Variants in USP39 observed in about 807,000 individuals in gnomAD.
The protein encoded by USP39 is ubiquitin specific peptidase 39.
USP39 carries 38 observed loss-of-function variants against 66.4 expected under a neutral mutation model. The ratio of observed to expected loss-of-function variants is 0.57; its 90% CI spans 0.44 to 0.75. The LOEUF is 0.75. Among genes scored for constraint, USP39 ranks in the 30% least tolerant of loss-of-function variants. The pLI is 0.00. For synonymous variants in USP39, 303 were observed against 274.6 expected (o/e 1.10, Z -1.02); for missense variants, 608 against 714.4 (o/e 0.85, Z 1.70).
At chr2:85,612,337 G>C (rs962327747), upstream of USP39, 8 of 1,536,038 alleles carry the variant, frequency 5.2e-6, no homozygotes, top group East Asian at 7.3e-5. Context: ...TGCTTACGGC[G>C]GTGCCTTCCC....
chr2:85,616,021 A>G, upstream of USP39: 1 of 1,247,610 alleles, frequency 8.0e-7, no homozygotes, highest in South Asian at 3.2e-5. Flanking sequence ...TTCTAAGGGG[A>G]GAGGAAGCCA....
intron 1 of USP39, among the ~76,000 whole-genome samples, 170 bp downstream of exon 1, chr2:85,616,633 A>T (rs1673988528): frequency 6.6e-6 from 1 of 150,818 alleles, no homozygotes; most frequent in African/African-American, 2.4e-5. Context: ...ACTTGTTCTG[A>T]TGAAGACAGT....
At chr2:85,611,573 C>A (rs1673529102), upstream of USP39, 2 of 1,551,134 alleles carry the variant, frequency 1.3e-6, no homozygotes, top group Admixed American at 2.0e-5. Flanking sequence ...ATGAGCTGAA[C>A]CTTAGGAGTA....
intron 1 of USP39, among the ~76,000 whole-genome samples, chr2:85,603,433 A>G (rs1673080768): frequency 6.6e-6 from 1 of 152,126 alleles, no homozygotes. Context: ...AAGGATTAAC[A>G]TGGCCAGTGT....
upstream of USP39, chr2:85,609,489 G>C (rs1221697710): frequency 1.2e-6 from 2 of 1,614,096 alleles, no homozygotes; most frequent in Non-Finnish European, 1.7e-6. Flanking sequence ...ATTCTAAGCA[G>C]AAGAGCTGAT....
At chr2:85,608,747 G>C (rs180693413), upstream of USP39, 434 of 399,100 alleles carry the variant, frequency 1.1e-3, 1 homozygote, top group African/African-American at 8.2e-3. Flanking sequence ...AGAATATCAG[G>C]CTGGGCAAAT....
chr2:85,638,435 G>T (rs960632503), intron 8 of USP39, among the ~76,000 whole-genome samples: 14 of 152,066 alleles, frequency 9.2e-5, no homozygotes, highest in African/African-American at 3.1e-4. Context: ...CCTTGCTGAA[G>T]TGATCCTCCC....
At chr2:85,616,662 A>G (rs992657533) in intron 1 of USP39, among the ~76,000 whole-genome samples, 199 bp downstream of exon 1, 4 of 143,824 alleles carry the variant, frequency 2.8e-5, no homozygotes, top group African/African-American at 7.8e-5. Context: ...CAATAATCGT[A>G]TAGTATTTCT....
chr2:85,618,840 GCT>G (rs1171871607), intron 1 of USP39, among the ~76,000 whole-genome samples: 1 of 151,548 alleles, frequency 6.6e-6, no homozygotes. Context: ...TACGATCTCT[GCT>G]CACTGCAACC....
At chr2:85,645,521 A>G (rs1676579222) in intron 11 of USP39, among the ~76,000 whole-genome samples, 2 of 151,954 alleles carry the variant, frequency 1.3e-5, no homozygotes, top group East Asian at 1.9e-4. Context: ...TGACCTTGTG[A>G]TCCACCCACC....
chr2:85,645,059 C>T lies in USP39; in HGVS notation c.1539C>T (p.Ser513=), dbSNP rs774721803. The T allele has an allele frequency of 1.9e-6, 3 of 1,614,174 alleles. No homozygotes were observed. Among genetic ancestry groups the T allele is most frequent in the Non-Finnish European group, 2.5e-6 (3 of 1,180,036 alleles). ...IVHDGKPSEG[S]YRIHVLHHGT... is the part of the protein sequence containing the mutation. ...ATGACGGCAAGCCCTCCGAGGGCTC[C>T]TACCGGATCCACGTGCTTCATCATG... The change falls in exon 11 of 13, where the codon TCC becomes TCT. Residue 513 remains serine (S), a synonymous_variant. Coordinates refer to ENST00000323701, the MANE Select transcript of USP39 (RefSeq NM_006590.4).
chr2:85,615,576 G>A (rs776633940), upstream of USP39, among the ~76,000 whole-genome samples: 8 of 152,200 alleles, frequency 5.3e-5, no homozygotes, highest in Admixed American at 2.0e-4. Flanking sequence ...AAGCCGCGGA[G>A]ACTGTGGGAA....
chr2:85,612,050 G>A (rs1673587688), upstream of USP39: 1 of 1,205,740 alleles, frequency 8.3e-7, no homozygotes, highest in Non-Finnish European at 1.1e-6. Context: ...CGCCCACAGA[G>A]CTCCGCGCCG....
chr2:85,644,030 T>C (rs964429495), intron 10 of USP39, among the ~76,000 whole-genome samples: 5 of 152,220 alleles, frequency 3.3e-5, no homozygotes, highest in African/African-American at 9.6e-5. Context: ...TAGAAACAAA[T>C]AGCTGTCACC....
At chr2:85,632,650 G>A (rs1432368806) in intron 6 of USP39, among the ~76,000 whole-genome samples, 10 of 151,858 alleles carry the variant, frequency 6.6e-5, no homozygotes, top group Admixed American at 3.9e-4. Flanking sequence ...GGGTTTCATC[G>A]TGTTAGCCAG....
intron 5 of USP39, among the ~76,000 whole-genome samples, chr2:85,628,989 T>G (rs565217260): frequency 2.0e-5 from 3 of 152,288 alleles, no homozygotes. Context: ...GTAAGCACAG[T>G]GCTGGTCGGG....
rs768969522 is a variant in USP39 at position 85,648,004 on chromosome 2, G to A, written c.1638G>A (p.Glu546=). 1.2e-6 allele frequency: 2 copies of A among 1,614,114 alleles called. No homozygotes were observed. The highest frequency in any genetic ancestry group is 3.3e-5 in the Admixed American group (2 of 60,014). ...DILPQMITLS[E]AYIQIWKRRD... is the part of the protein sequence containing the mutation. ...TTCCCCAGATGATCACACTGTCAGA[G>A]GCTTACATTCAGGTGGGTTGGCCAC... The change falls in exon 12 of 13, where the codon GAG becomes GAA. Residue 546 remains glutamate, a synonymous_variant. Coordinates refer to ENST00000323701, the MANE Select transcript of USP39 (RefSeq NM_006590.4).
intron 8 of USP39, 117 bp from the exon 9 acceptor site, chr2:85,639,086 G>T: frequency 1.9e-6 from 2 of 1,051,792 alleles, no homozygotes; most frequent in Non-Finnish European, 2.7e-6. Flanking sequence ...AATCTCTCGG[G>T]CACTTCTCTT....
At chr2:85,635,330 C>T (rs1015092624) in intron 6 of USP39, among the ~76,000 whole-genome samples, 5 of 152,026 alleles carry the variant, frequency 3.3e-5, no homozygotes, top group African/African-American at 9.7e-5. Flanking sequence ...GAGGCTGAGG[C>T]GGGAGGATCA....
Sources: gnomAD v4.1 joint callset for allele counts (sites outside exome capture counted in the v4.1 genomes callset) on GRCh38, gnomAD v4.1.1 for gene constraint, MANE v1.5 for transcripts, NCBI Gene and HGNC (gene_info 2026-07-23, HGNC 2026-07-21) for gene names.